Variants in DISC1 observed in about 807,000 individuals in gnomAD.
DISC1 encodes the protein DISC1 scaffold protein, also known as disrupted in schizophrenia 1 protein.
DISC1 carries 57 observed loss-of-function variants against 84.5 expected under a neutral mutation model. That is an observed-to-expected ratio of 0.67 (90% CI 0.55 to 0.84). DISC1 has a LOEUF of 0.84. DISC1 is among the 40% of genes least tolerant of loss of function. DISC1 has a pLI of 0.00. For synonymous variants in DISC1, 411 were observed against 415.2 expected, an observed-to-expected ratio of 0.99 and a Z score of 0.12; for missense variants, 1,000 against 1,057.8, an observed-to-expected ratio of 0.95 and a Z score of 0.76.
intron 6 of DISC1, among the ~76,000 whole-genome samples, chr1:231,775,592 T>G (rs1202474530): frequency 6.6e-6 from 1 of 152,212 alleles, no homozygotes; most frequent in Non-Finnish European, 1.5e-5. Context: ...ACAAAAATGG[T>G]TTTCTTCCAG....
chr1:232,036,254 T>C (rs1473092798), intron 12 of DISC1, among the ~76,000 whole-genome samples: 1 of 152,220 alleles, frequency 6.6e-6, no homozygotes, highest in African/African-American at 2.4e-5. Flanking sequence ...TCCCTACTTA[T>C]GGCAACCCCA....
At chr1:231,637,910 A>T (rs1456151570) in intron 1 of DISC1, among the ~76,000 whole-genome samples, 2 of 152,344 alleles carry the variant, frequency 1.3e-5, no homozygotes, top group East Asian at 3.9e-4. Flanking sequence ...TCTTTGAGAA[A>T]TCTCCATACT....
At chr1:231,880,206 C>A (rs1168121774) in intron 9 of DISC1, among the ~76,000 whole-genome samples, 3 of 152,200 alleles carry the variant, frequency 2.0e-5, no homozygotes. Flanking sequence ...TCAGCCCTCT[C>A]ACCATGTGCT....
intron 9 of DISC1, among the ~76,000 whole-genome samples, chr1:231,952,630 A>G (rs1047597818): frequency 6.7e-6 from 1 of 149,338 alleles, no homozygotes; most frequent in Non-Finnish European, 1.5e-5. Context: ...GTTGTTAATC[A>G]TTTTCTCATT....
At chr1:231,953,712 T>C (rs1325680984) in intron 9 of DISC1, among the ~76,000 whole-genome samples, 1 of 152,238 alleles carries the variant, frequency 6.6e-6, no homozygotes, top group East Asian at 1.9e-4. Context: ...TCTCACTTGG[T>C]ACTTAATGTT....
chr1:232,034,935 T>C (rs1045473584), intron 12 of DISC1, among the ~76,000 whole-genome samples: 3 of 152,082 alleles, frequency 2.0e-5, no homozygotes, highest in Non-Finnish European at 2.9e-5. Flanking sequence ...ATTGGATTCT[T>C]TCCTCCCCTG....
At chr1:231,672,224 G>A (rs942028152) in intron 1 of DISC1, among the ~76,000 whole-genome samples, 2 of 151,916 alleles carry the variant, frequency 1.3e-5, no homozygotes, top group Non-Finnish European at 2.9e-5. Context: ...AAGGTCTATT[G>A]AGTATATTTC....
chr1:231,914,241 G>A lies in DISC1; in HGVS notation c.1982-44587G>A, dbSNP rs574357761. Among the ~76,000 whole-genome samples, 3 of 152,354 alleles carry A rather than the reference G, an allele frequency of 2.0e-5. No individual in the cohort carries two copies. In the South Asian group the frequency reaches 6.2e-4, roughly 32 times the overall value. ...CATAGGAGATGAATGTATTTCTCTA[G>A]TAAGTAGCTTTCTCAGAAGCTCAAC... On this transcript the variant is annotated intron_variant, in intron 9 of 12. Transcript: ENST00000439617.
chr1:231,893,754 T>C (rs2087447928), intron 9 of DISC1, among the ~76,000 whole-genome samples: 1 of 152,162 alleles, frequency 6.6e-6, no homozygotes, highest in African/African-American at 2.4e-5. Context: ...TGGTGTTCCA[T>C]TGGCAAATGC....
At chr1:231,753,684 T>G (rs568524465) in intron 4 of DISC1, among the ~76,000 whole-genome samples, 1 of 152,214 alleles carries the variant, frequency 6.6e-6, no homozygotes, top group Non-Finnish European at 1.5e-5. Flanking sequence ...GAAAATGGTC[T>G]TTTCTTTTCT....
At chr1:231,807,984 A>G (rs1207191085) in intron 8 of DISC1, among the ~76,000 whole-genome samples, 1 of 152,170 alleles carries the variant, frequency 6.6e-6, no homozygotes, top group Admixed American at 6.5e-5. Flanking sequence ...GATGTTGGCC[A>G]TCTTTTTCTT....
At position 231,770,841 on chromosome 1, in the gene DISC1, A is replaced by G. The variant is rs770011117; in HGVS notation, c.1405A>G (p.Ile469Val). The change falls in exon 6 of 13, where the codon ATC becomes GTC. Residue 469 changes from isoleucine (I) to valine (V), a missense_variant. Around this residue, in one of 3 missense-constraint regions of DISC1, gnomAD observed 311 missense variants for 400.1 expected, o/e 0.78. Coordinates refer to ENST00000439617, the MANE Select transcript of DISC1 (RefSeq NM_018662.3). ...GTCTCCTCATTCTCTACAGAAAGAA[A>G]TCGAAGCTCTCCAAGCAAGGATGTT... ...LQEKQQLQKE[I>V]EALQARMFVL... 6.2e-7 allele frequency: 1 copy of G among 1,614,072 alleles called. No homozygotes were observed. Among genetic ancestry groups the G allele is most frequent in the South Asian group, 1.1e-5 (1 of 91,036 alleles).
At chr1:232,015,816 T>C (rs1397712015) in intron 11 of DISC1, among the ~76,000 whole-genome samples, 2 of 152,206 alleles carry the variant, frequency 1.3e-5, no homozygotes, top group African/African-American at 4.8e-5. Flanking sequence ...TGCTGGTGTT[T>C]CTGCTTTGCC....
intron 9 of DISC1, chr1:231,866,771 G>A: frequency 1.6e-6 from 2 of 1,241,714 alleles, no homozygotes; most frequent in Non-Finnish European, 1.0e-6. Context: ...CAACCTTGAC[G>A]AAAGGGTATA....
At chr1:231,911,490 G>T (rs2089200943) in intron 9 of DISC1, among the ~76,000 whole-genome samples, 2 of 152,158 alleles carry the variant, frequency 1.3e-5, no homozygotes. Flanking sequence ...CTTTAAGGAT[G>T]TTGAATATTG....
rs1203306611 is a variant in DISC1, at chr1:231,954,541, T to G, written c.1982-4287T>G. ...TGCTTCTTCCTGATCAGGAAGGGGG[T>G]CTGCAGTCCTCTGGTCTTGTTTGTT... On this transcript the variant is annotated intron_variant, in intron 9 of 12. Transcript: ENST00000439617. This position sits in a 1 kb window ranked among gnomAD's most constrained non-coding sequence, Gnocchi z 4.8. Among the ~76,000 whole-genome samples the G allele has an allele frequency of 6.6e-6, 1 of 151,964 alleles. No homozygotes were observed. The highest frequency in any genetic ancestry group is 2.4e-5 in the African/African-American group (1 of 41,368).
At chr1:231,801,059 A>G (rs1377502274) in intron 8 of DISC1, among the ~76,000 whole-genome samples, 1 of 152,112 alleles carries the variant, frequency 6.6e-6, no homozygotes, top group South Asian at 2.1e-4. Context: ...AATTACATGT[A>G]TGTGTTTTAA....
chr1:231,886,819 CTTT>C (rs2086786142), intron 9 of DISC1, among the ~76,000 whole-genome samples: 2 of 134,654 alleles, frequency 1.5e-5, no homozygotes, highest in African/African-American at 2.8e-5. Context: ...TTCTTTCTTT[CTTT>C]CTTTCTTTCT....
intron 3 of DISC1, among the ~76,000 whole-genome samples, chr1:231,737,046 T>C (rs1453203967): frequency 2.0e-5 from 3 of 152,232 alleles, no homozygotes; most frequent in African/African-American, 4.8e-5. Context: ...GAGTCACTTA[T>C]TACTGATGTG....
Sources: gnomAD v4.1 joint callset for allele counts (sites outside exome capture counted in the v4.1 genomes callset) on GRCh38, gnomAD v4.1.1 for gene constraint, gnomAD v4.1.1 regional missense constraint, Gnocchi (gnomAD v3.1) non-coding constraint, MANE v1.5 for transcripts, NCBI Gene and HGNC (gene_info 2026-07-23, HGNC 2026-07-21) for gene names.